The following LIPK variants were observed in gnomAD, a reference collection of about 807,000 sequenced individuals.
The protein encoded by LIPK is lipase family member K.
LIPK carries 32 observed loss-of-function variants against 48.6 expected under a neutral mutation model. The observed-to-expected ratio is 0.66, with a 90% CI of 0.50 to 0.88. LIPK has a LOEUF of 0.88. Among genes scored for constraint, LIPK ranks in the 40% least tolerant of loss-of-function variants. The pLI, the probability that LIPK is intolerant of heterozygous loss-of-function variation, is 0.00. For missense variants in LIPK, 507 were observed against 478.5 expected (o/e 1.06, Z -0.56); for synonymous variants, 164 against 157.4 (o/e 1.04, Z -0.32).
chr10:88,748,106 A>T, intron 9 of LIPK, among the ~76,000 whole-genome samples: 1 of 152,166 alleles, frequency 6.6e-6, no homozygotes, highest in East Asian at 1.9e-4. Flanking sequence ...GAGATAATGT[A>T]CTTTGCAGGG....
chr10:88,732,442 A>C lies in LIPK; in HGVS notation c.560A>C (p.Glu187Ala), dbSNP rs773628369. 8 of 1,613,552 alleles carry C rather than the reference A, an allele frequency of 5.0e-6. No individual in the cohort carries two copies. The highest frequency in any genetic ancestry group is 6.8e-6 in the Non-Finnish European group (8 of 1,179,758). The change falls in exon 6 of 10, where the codon GAA becomes GCA. Residue 187 changes from glutamate (E) to alanine (A), a missense_variant. Physicochemically the swap from Glu to Ala is moderately radical, Grantham distance 107 (BLOSUM62 -1). Coordinates refer to ENST00000404190, the MANE Select transcript of LIPK (RefSeq NM_001080518.2). ...TTTATAGCATTTTCTACAAACCCAG[A>C]ACTGGCTAAAAAGATTAAGATATTT... The part of the protein sequence containing the change: ...IAFIAFSTNP[E>A]LAKKIKIFFA...
At chr10:88,711,812 T>A (rs1165872841) in intron 1 of LIPK, among the ~76,000 whole-genome samples, 1 of 152,098 alleles carries the variant, frequency 6.6e-6, no homozygotes, top group East Asian at 1.9e-4. Context: ...CAGAAGTTTT[T>A]TATTTTAATA....
chr10:88,729,260 G>C (rs993518950), intron 3 of LIPK, among the ~76,000 whole-genome samples: 5 of 135,992 alleles, frequency 3.7e-5, no homozygotes, highest in Non-Finnish European at 8.2e-5. Flanking sequence ...GTTGGGGGGG[G>C]GGGGCGGGGG....
intron 3 of LIPK, among the ~76,000 whole-genome samples, chr10:88,730,614 G>A (rs926358580): frequency 6.6e-6 from 1 of 152,086 alleles, no homozygotes; most frequent in African/African-American, 2.4e-5. Flanking sequence ...ACATGTTTTA[G>A]TTCTCATCGA....
chr10:88,736,859 C>CTGGT (rs576445724), intron 6 of LIPK, among the ~76,000 whole-genome samples: 142 of 152,216 alleles, frequency 9.3e-4, no homozygotes, highest in African/African-American at 3.4e-3. Flanking sequence ...GTTGTAATTT[C>CTGGT]TGGTTAATAA....
At chr10:88,749,588 T>C (rs2134797694) in intron 9 of LIPK, among the ~76,000 whole-genome samples, 2 of 152,238 alleles carry the variant, frequency 1.3e-5, no homozygotes, top group South Asian at 4.2e-4. Flanking sequence ...GGACCCCTTC[T>C]TTTTCCCATA....
chr10:88,710,782 G>T (rs1376249301), intron 1 of LIPK, among the ~76,000 whole-genome samples: 1 of 152,092 alleles, frequency 6.6e-6, no homozygotes, highest in Non-Finnish European at 1.5e-5. Context: ...AATCTTCAGC[G>T]AACAATCTTG....
At chr10:88,722,923 C>T (rs1225248148) in intron 1 of LIPK, among the ~76,000 whole-genome samples, 3 of 116,108 alleles carry the variant, frequency 2.6e-5, no homozygotes, top group African/African-American at 7.0e-5. Context: ...ACTCTGTCAC[C>T]GAGGCTGGCG....
chr10:88,741,505 C>A (rs780025971), intron 8 of LIPK, among the ~76,000 whole-genome samples: 28 of 152,182 alleles, frequency 1.8e-4, no homozygotes, highest in Admixed American at 1.2e-3. Flanking sequence ...GGATTACAGG[C>A]GTGAGCACTG....
intron 3 of LIPK, chr10:88,728,046 G>A (rs1027309195): frequency 5.6e-5 from 20 of 359,362 alleles, no homozygotes; most frequent in Admixed American, 4.7e-4. Flanking sequence ...AGGACTTCAA[G>A]AGTAAGTACC....
At chr10:88,732,583 A>T (rs1336093422) in intron 6 of LIPK, 32 bp downstream of exon 6, 1 of 1,572,592 alleles carries the variant, frequency 6.4e-7, no homozygotes. Context: ...AATCTGAAAT[A>T]ACTAAAAGTA....
chr10:88,732,273 A>C lies in LIPK; in HGVS notation c.518A>C (p.Gln173Pro). 6.2e-7 allele frequency: 1 copy of C among 1,613,674 alleles called. No homozygotes were observed. The highest frequency in any genetic ancestry group is 8.5e-7 in the Non-Finnish European group (1 of 1,179,768). The change falls in exon 5 of 10, where the codon CAA (glutamine) becomes CCA (proline). Residue 173 changes from glutamine to proline, a missense_variant. Physicochemically the swap from Gln to Pro is moderately conservative, Grantham distance 76 (BLOSUM62 -1). Coordinates refer to ENST00000404190, the MANE Select transcript of LIPK (RefSeq NM_001080518.2). Reference protein sequence around the residue: ...QKRLYYVGHSQGTTIAFIAFS... With the variant: ...QKRLYYVGHSPGTTIAFIAFS... ...CGACTCTACTACGTGGGCCACTCAC[A>C]AGGCACCACCATAGGTGTGTTTGGG... is the stretch of plus-strand genomic sequence containing the variant.
chr10:88,743,398 G>A (rs34204753), intron 9 of LIPK, 77 bp downstream of exon 9: 52,211 of 1,039,642 alleles, frequency 0.05, 1,623 homozygotes, highest in South Asian at 0.098. Context: ...TGAAGCACCT[G>A]CCACTTCCAT....
rs772107198 is a variant in LIPK, at chr10:88,731,115, G to GAGGAAACACTTGGTCC, written c.359_374dup (p.Lys129ValfsTer6). ...TATGACGTGTGGTTGGGGAACAGCC[G>GAGGAAACACTTGGTCC]AGGAAACACTTGGTCCAGAAAACAC... On this transcript the variant is annotated frameshift_variant, in exon 4 of 10. Coordinates refer to ENST00000404190, the MANE Select transcript of LIPK (RefSeq NM_001080518.2). LOFTEE classifies it high-confidence loss of function. 1 of 1,606,148 alleles carries GAGGAAACACTTGGTCC rather than the reference G, an allele frequency of 6.2e-7. No individual in the cohort carries two copies. The highest frequency in any genetic ancestry group is 8.5e-7 in the Non-Finnish European group (1 of 1,176,680).
chr10:88,745,861 CTG>C (rs1842757164), intron 9 of LIPK, among the ~76,000 whole-genome samples: 1 of 152,194 alleles, frequency 6.6e-6, no homozygotes, highest in Non-Finnish European at 1.5e-5. Flanking sequence ...CAAGACCTAA[CTG>C]TATGCTGCCT....
chr10:88,737,918 T>G (rs1842607311), intron 7 of LIPK, 137 bp downstream of exon 7: 1 of 889,556 alleles, frequency 1.1e-6, no homozygotes, highest in Non-Finnish European at 1.8e-6. Context: ...ATTTATGGCT[T>G]CCAATGAGGG....
chr10:88,726,655 C>T, intron 2 of LIPK, 140 bp from the exon 3 acceptor site: 1 of 610,968 alleles, frequency 1.6e-6, no homozygotes, highest in Non-Finnish European at 2.9e-6. Flanking sequence ...GATCACACCA[C>T]TGCACTCCAG....
chr10:88,745,144 A>G (rs1274097182), intron 9 of LIPK, among the ~76,000 whole-genome samples: 1 of 151,878 alleles, frequency 6.6e-6, no homozygotes, highest in Non-Finnish European at 1.5e-5. Context: ...AAGACACCAA[A>G]CCTACAGCTC....
At chr10:88,710,831 AG>A (rs917538087) in intron 1 of LIPK, among the ~76,000 whole-genome samples, 1 of 152,218 alleles carries the variant, frequency 6.6e-6, no homozygotes, top group Non-Finnish European at 1.5e-5. Context: ...AACTACCTAA[AG>A]GCAGAATTGC....
Sources: allele counts gnomAD v4.1 joint callset (sites outside exome capture counted in the v4.1 genomes callset), GRCh38; gene constraint gnomAD v4.1.1; transcripts MANE v1.5; gene names NCBI Gene and HGNC (gene_info 2026-07-23, HGNC 2026-07-21).